PALM: variants seen among roughly 807,000 people sequenced by gnomAD.
PALM encodes paralemmin-1.
A neutral mutation model predicts 30.7 loss-of-function variants in PALM; 18 were observed. The ratio of observed to expected loss-of-function variants is 0.59; its 90% CI spans 0.41 to 0.87. PALM has a LOEUF of 0.87. PALM is among the 40% of genes least tolerant of loss of function. The pLI, the probability that PALM is intolerant of heterozygous loss-of-function variation, is 0.00. For synonymous variants in PALM, 286 were observed against 242.8 expected (o/e 1.18, Z -1.66); for missense variants, 529 against 555.4 (o/e 0.95, Z 0.48).
At chr19:711,966 C>T (rs781011222) in intron 1 of PALM, among the ~76,000 whole-genome samples, 3 of 152,096 alleles carry the variant, frequency 2.0e-5, no homozygotes, top group Middle Eastern at 6.9e-3. Flanking sequence ...TAAGTGGGTA[C>T]CTGCCTTTTC....
intron 4 of PALM, among the ~76,000 whole-genome samples, chr19:729,763 C>A (rs561881904): frequency 1.8e-4 from 28 of 152,174 alleles, no homozygotes; most frequent in Non-Finnish European, 2.8e-4. Flanking sequence ...CGCCTGGCCC[C>A]ACTGTGCATC....
chr19:745,857 G>C (rs62131308), intron 8 of PALM, among the ~76,000 whole-genome samples: 3 of 152,010 alleles, frequency 2.0e-5, no homozygotes, highest in African/African-American at 7.3e-5. Context: ...TCAGGAGTTC[G>C]AGACCAGCCT....
chr19:740,128 G>A (rs1409917820), intron 7 of PALM, among the ~76,000 whole-genome samples: 2 of 152,324 alleles, frequency 1.3e-5, no homozygotes, highest in East Asian at 3.9e-4. Flanking sequence ...CAAATGCCAA[G>A]GAGAGGTGTT....
intron 3 of PALM, 25 bp downstream of exon 3, chr19:727,113 G>A: frequency 6.8e-7 from 1 of 1,473,428 alleles, no homozygotes; most frequent in Non-Finnish European, 9.3e-7. Flanking sequence ...GGGACCCAGG[G>A]TCAGGGAGTG....
rs993947216 is a variant in PALM, at chr19:742,664, CT to C, written c.634+2182del. Among the ~76,000 whole-genome samples the C allele has an allele frequency of 2.1e-4, 32 of 152,084 alleles. No individual in the cohort carries two copies. The highest frequency in any genetic ancestry group is 4.3e-4 in the Non-Finnish European group (29 of 68,004). On this transcript the variant is annotated intron_variant, in intron 8 of 8. Coordinates refer to ENST00000338448, the MANE Select transcript of PALM (RefSeq NM_002579.3). This position sits in a 1 kb window ranked among gnomAD's most constrained non-coding sequence, Gnocchi z 5.5. ...GGGGTCACACACTGCACGTGGCCTTCTGTGTCTGGCGTCTCTCACTGGGCGT... is the reference window on the plus strand; with the variant it reads ...GGGGTCACACACTGCACGTGGCCTTCGTGTCTGGCGTCTCTCACTGGGCGT...
intron 8 of PALM, among the ~76,000 whole-genome samples, chr19:741,694 T>G (rs924278516): frequency 1.3e-5 from 2 of 151,602 alleles, no homozygotes; most frequent in Admixed American, 1.3e-4. Context: ...AAGCCTTGGG[T>G]GCGTTGGGTC....
intron 1 of PALM, among the ~76,000 whole-genome samples, chr19:718,616 C>CTT (rs2032348689): frequency 6.6e-6 from 1 of 152,070 alleles, no homozygotes; most frequent in African/African-American, 2.4e-5. Context: ...TCCGTCTTCT[C>CTT]CTCTCCCCCG....
chr19:713,202 C>T (rs1165589884), intron 1 of PALM, among the ~76,000 whole-genome samples: 3 of 151,940 alleles, frequency 2.0e-5, no homozygotes, highest in Non-Finnish European at 2.9e-5. Flanking sequence ...ATCAGACATC[C>T]TGGTGTCGGC....
chr19:719,816 C>T (rs1429747558), intron 1 of PALM, among the ~76,000 whole-genome samples: 1 of 152,186 alleles, frequency 6.6e-6, no homozygotes, highest in African/African-American at 2.4e-5. Context: ...CCTGCCCGGC[C>T]TCAGTTTCCC....
Position 746,451 on chromosome 19 carries a change from G to A in PALM, c.801G>A (p.Thr267=), listed in dbSNP as rs371398521. ...CTGTGGAGGGGGCAGCCCGGACCAC[G>A]CCCTCCCGGCGGGAGATCACCGGTG... The part of the protein sequence containing the change: ...RGAVEGAART[T]PSRREITGVQ... Residue 267 remains threonine, a synonymous_variant, in exon 9 of 9, where the codon ACG becomes ACA. Coordinates refer to ENST00000338448, the MANE Select transcript of PALM (RefSeq NM_002579.3). The surrounding 1 kb of genome is among the most constrained non-coding windows in gnomAD (Gnocchi z 7.1). 28 of 1,609,092 alleles carry A rather than the reference G, an allele frequency of 1.7e-5. No homozygotes were observed. The East Asian group carries it at 2.2e-4, about 13-fold the overall frequency.
At chr19:731,938 C>G (rs2032891555) in intron 5 of PALM, among the ~76,000 whole-genome samples, 1 of 152,160 alleles carries the variant, frequency 6.6e-6, no homozygotes, top group South Asian at 2.1e-4. Context: ...GCTGGGATTA[C>G]ACGCATGAGT....
rs1458818071 is a variant in PALM at position 740,371 on chromosome 19, C to G, written c.522C>G (p.Ile174Met). The change falls in exon 8 of 9, where the codon ATC (isoleucine) becomes ATG (methionine). Residue 174 changes from isoleucine to methionine, a missense_variant. Transcript: ENST00000338448. ...TGCCAGCCATGTACTCGGTTGAGAT[C>G]ACTGTGGAGAAGGACAAGGTGACAG... The part of the protein sequence containing the change: ...MMKAAMYSVE[I>M]TVEKDKVTGE... 2 of 1,565,844 alleles carry G rather than the reference C, an allele frequency of 1.3e-6. No homozygotes were observed. Among genetic ancestry groups the G allele is most frequent in the Non-Finnish European group, 1.7e-6 (2 of 1,154,988 alleles).
Position 748,011 on chromosome 19 carries a change from G to C in PALM, c.*1197G>C, listed in dbSNP as rs764836983. 2 of 152,594 alleles carry C rather than the reference G, an allele frequency of 1.3e-5. No homozygotes were observed. The highest frequency in any genetic ancestry group is 1.3e-4 in the Admixed American group (2 of 15,284). The allele number at this position is 152,594 out of a possible 1,614,324, so 9.5% of individuals were successfully genotyped here. ...CTGCCCTAGGGACCTCCAGCCTGGT[G>C]CCCAGTGCTCAGGCCACCTCCTGGT... On this transcript the variant is annotated 3_prime_UTR_variant, in exon 9 of 9. Coordinates refer to ENST00000338448, the MANE Select transcript of PALM (RefSeq NM_002579.3).
intron 5 of PALM, among the ~76,000 whole-genome samples, chr19:733,919 G>A (rs539281002): frequency 6.6e-6 from 1 of 152,320 alleles, no homozygotes; most frequent in Non-Finnish European, 1.5e-5. Context: ...CCAGGAGGCG[G>A]AAGTTGCAGT....
At chr19:710,886 G>A (rs11878916) in intron 1 of PALM, among the ~76,000 whole-genome samples, 8,800 of 152,266 alleles carry the variant, frequency 0.058, 290 homozygotes, top group African/African-American at 0.09. Context: ...ACAATGGGTG[G>A]GGACAGGCCC....
At position 709,251 on chromosome 19, in the gene PALM, G is replaced by A; in HGVS notation, c.5+100G>A. On this transcript the variant is annotated intron_variant, in intron 1 of 8. Coordinates refer to ENST00000338448, the MANE Select transcript of PALM (RefSeq NM_002579.3). The surrounding 1 kb of genome is among the most constrained non-coding windows in gnomAD (Gnocchi z 4.3). ...CTCGCGCCCCATTGGGGGCGTCGCT[G>A]CCCCCGCGAGGAGCAGGAGGCGGCG... The A allele has an allele frequency of 1.1e-5, 3 of 276,788 alleles. No homozygotes were observed. Among genetic ancestry groups the A allele is most frequent in the East Asian group, 1.1e-4 (2 of 17,606 alleles). 17.1% of individuals were successfully genotyped at this position (276,788 alleles called of 1,614,324 possible).
intron 5 of PALM, among the ~76,000 whole-genome samples, chr19:733,619 G>A (rs2032935010): frequency 6.6e-6 from 1 of 152,214 alleles, no homozygotes; most frequent in Non-Finnish European, 1.5e-5. Context: ...AGACTGGAGG[G>A]GGCACGGAGG....
At chr19:737,554 G>A (rs1307833571) in intron 7 of PALM, among the ~76,000 whole-genome samples, 2 of 151,668 alleles carry the variant, frequency 1.3e-5, no homozygotes, top group Non-Finnish European at 2.9e-5. Flanking sequence ...GAACCAGAGG[G>A]CTCAGGGGAG....
chr19:741,395 G>A, intron 8 of PALM, among the ~76,000 whole-genome samples: 1 of 147,056 alleles, frequency 6.8e-6, no homozygotes, highest in Non-Finnish European at 1.5e-5. Context: ...CTGCAGGAGT[G>A]AGGGGAGACG....
Sources: gnomAD v4.1 joint callset for allele counts (sites outside exome capture counted in the v4.1 genomes callset) on GRCh38, gnomAD v4.1.1 for gene constraint, Gnocchi (gnomAD v3.1) non-coding constraint, MANE v1.5 for transcripts, NCBI Gene and HGNC (gene_info 2026-07-23, HGNC 2026-07-21) for gene names.